Variants in ARHGEF28 observed in about 807,000 individuals in gnomAD.
The protein encoded by ARHGEF28 is Rho guanine nucleotide exchange factor 28, also known as 190 kDa guanine nucleotide exchange factor.
ARHGEF28 carries 152 observed loss-of-function variants against 206.6 expected under a neutral mutation model. The ratio of observed to expected loss-of-function variants is 0.74; its 90% CI spans 0.64 to 0.84. The LOEUF is 0.84. Ranked by LOEUF, ARHGEF28 falls within the 40% of genes least tolerant of loss-of-function variation. The pLI is 0.00. For synonymous variants in ARHGEF28, 763 were observed against 776.4 expected (o/e 0.98, Z 0.29); for missense variants, 2,028 against 2,073.2 (o/e 0.98, Z 0.42).
chr5:73,879,969 G>C (rs1367995781), intron 22 of ARHGEF28, among the ~76,000 whole-genome samples: 1 of 152,246 alleles, frequency 6.6e-6, no homozygotes, highest in Non-Finnish European at 1.5e-5. Context: ...TGTCAGACAA[G>C]GACATTTAAG....
chr5:73,882,488 C>G lies in ARHGEF28; in HGVS notation c.2831C>G (p.Ala944Gly). 1 of 1,446,374 alleles carries G rather than the reference C, an allele frequency of 6.9e-7. No individual in the cohort carries two copies. 89.6% of individuals were successfully genotyped at this position (1,446,374 alleles called of 1,614,324 possible). The part of the protein sequence containing the change: ...ILVQQFSEEN[A>G]SKMKKIYGEF... ...TTCTTCCAGTTTTCAGAAGAAAATGCAAGTAAAATGAAGAAAATATATGGA... is the reference window on the plus strand; with the variant it reads ...TTCTTCCAGTTTTCAGAAGAAAATGGAAGTAAAATGAAGAAAATATATGGA... The change falls in exon 23 of 36, where the codon GCA becomes GGA. Residue 944 changes from alanine to glycine, a missense_variant. Coordinates refer to ENST00000513042, the MANE Select transcript of ARHGEF28 (RefSeq NM_001177693.2).
intron 35 of ARHGEF28, among the ~76,000 whole-genome samples, chr5:73,935,695 GC>G (rs934662476): frequency 6.6e-6 from 1 of 152,132 alleles, no homozygotes; most frequent in Non-Finnish European, 1.5e-5. Flanking sequence ...TAATGATAAA[GC>G]CCCCCGCCTT....
chr5:73,813,873 A>G (rs766850796), intron 9 of ARHGEF28, among the ~76,000 whole-genome samples: 8 of 151,102 alleles, frequency 5.3e-5, no homozygotes, highest in Non-Finnish European at 7.4e-5. Context: ...CTTTGAATCT[A>G]CCTACCTTGG....
intron 5 of ARHGEF28, among the ~76,000 whole-genome samples, chr5:73,776,287 T>C (rs944326916): frequency 6.6e-6 from 1 of 152,232 alleles, no homozygotes; most frequent in African/African-American, 2.4e-5. Flanking sequence ...CTTTAAAGTA[T>C]GTAGTATATG....
At chr5:73,917,380 C>T (rs1763269133) in intron 35 of ARHGEF28, among the ~76,000 whole-genome samples, 1 of 152,180 alleles carries the variant, frequency 6.6e-6, no homozygotes, top group Non-Finnish European at 1.5e-5. Flanking sequence ...AAGTACTGGG[C>T]TCAAGGGCTT....
intron 35 of ARHGEF28, chr5:73,923,063 A>C: frequency 6.5e-7 from 1 of 1,530,646 alleles, no homozygotes; most frequent in South Asian, 1.2e-5. Flanking sequence ...AGCATCTGGT[A>C]ATGCGGCCAT....
At chr5:73,629,946 C>T (rs555760858) in intron 1 of ARHGEF28, among the ~76,000 whole-genome samples, 3 of 152,082 alleles carry the variant, frequency 2.0e-5, no homozygotes, top group Non-Finnish European at 2.9e-5. Flanking sequence ...GAGTGAGGAC[C>T]AACAGGCAGA....
At chr5:73,786,154 G>A (rs1010655881) in intron 7 of ARHGEF28, among the ~76,000 whole-genome samples, 7 of 151,708 alleles carry the variant, frequency 4.6e-5, no homozygotes, top group African/African-American at 1.2e-4. Flanking sequence ...CACCTGCTAC[G>A]TGCCAGGCAT....
At chr5:73,824,136 G>T (rs1318817308) in intron 9 of ARHGEF28, among the ~76,000 whole-genome samples, 1 of 152,068 alleles carries the variant, frequency 6.6e-6, no homozygotes, top group Non-Finnish European at 1.5e-5. Flanking sequence ...TTGCATATCT[G>T]CCTGATCATC....
intron 35 of ARHGEF28, among the ~76,000 whole-genome samples, chr5:73,919,573 A>G (rs2111965218): frequency 6.6e-6 from 1 of 152,326 alleles, no homozygotes; most frequent in Non-Finnish European, 1.5e-5. Flanking sequence ...CAGACCATCC[A>G]ACACTTGTTG....
At chr5:73,823,962 G>A (rs751944720) in intron 9 of ARHGEF28, among the ~76,000 whole-genome samples, 20 of 152,200 alleles carry the variant, frequency 1.3e-4, no homozygotes, top group Non-Finnish European at 2.5e-4. Flanking sequence ...TTCAGAGTAA[G>A]CACCATAGTT....
chr5:73,899,028 A>G (rs1481285655), intron 30 of ARHGEF28: 2 of 151,548 alleles, frequency 1.3e-5, no homozygotes, highest in Non-Finnish European at 2.9e-5. Flanking sequence ...ATATAGATGC[A>G]GTATAGCTTT....
intron 1 of ARHGEF28, among the ~76,000 whole-genome samples, chr5:73,642,700 G>A (rs1259857322): frequency 6.6e-6 from 1 of 151,960 alleles, no homozygotes. Flanking sequence ...CAAGGACAGT[G>A]GGCACACTCC....
chr5:73,895,943 T>C (rs577338201), intron 29 of ARHGEF28, among the ~76,000 whole-genome samples: 2 of 152,298 alleles, frequency 1.3e-5, no homozygotes, highest in South Asian at 4.1e-4. Flanking sequence ...GAGAAGGGCA[T>C]AGAGGTCTGA....
At chr5:73,822,604 T>C (rs1756666415) in intron 9 of ARHGEF28, among the ~76,000 whole-genome samples, 1 of 152,112 alleles carries the variant, frequency 6.6e-6, no homozygotes, top group East Asian at 1.9e-4. Flanking sequence ...AGGAGATGAA[T>C]GCTAGTTTAC....
chr5:73,673,873 T>C (rs918025216), intron 1 of ARHGEF28, among the ~76,000 whole-genome samples: 2 of 152,008 alleles, frequency 1.3e-5, no homozygotes, highest in Non-Finnish European at 2.9e-5. Flanking sequence ...CCTAAAGTCA[T>C]GCAATTAAGA....
At chr5:73,831,169 C>T (rs1028896884) in intron 9 of ARHGEF28, among the ~76,000 whole-genome samples, 2 of 152,018 alleles carry the variant, frequency 1.3e-5, no homozygotes, top group African/African-American at 4.8e-5. Context: ...CACTTTTTAC[C>T]AGGCATGTGT....
At chr5:73,633,815 G>T (rs1743527424) in intron 1 of ARHGEF28, among the ~76,000 whole-genome samples, 1 of 151,884 alleles carries the variant, frequency 6.6e-6, no homozygotes. Flanking sequence ...GATCTCAGGT[G>T]ATCTACCCCC....
Position 73,870,142 on chromosome 5 carries a change from T to G in ARHGEF28, c.2499T>G (p.Leu833=), listed in dbSNP as rs764804614. ...AQEFEAESWS[L]VVDPSFCNRQ... ...AGTTTGAAGCAGAATCTTGGAGTCTTGTGGTGGATCCCTCATTTTGTAATA... is the reference window on the plus strand; with the variant it reads ...AGTTTGAAGCAGAATCTTGGAGTCTGGTGGTGGATCCCTCATTTTGTAATA... Residue 833 remains leucine (L), a synonymous_variant, in exon 21 of 36, where the codon CTT becomes CTG. Transcript: ENST00000513042. The G allele has an allele frequency of 1.9e-6, 3 of 1,613,958 alleles. No individual in the cohort carries two copies. Among genetic ancestry groups the G allele is most frequent in the Non-Finnish European group, 2.5e-6 (3 of 1,179,870 alleles).
Sources: gnomAD v4.1 joint callset for allele counts (sites outside exome capture counted in the v4.1 genomes callset) on GRCh38, gnomAD v4.1.1 for gene constraint, MANE v1.5 for transcripts, NCBI Gene and HGNC (gene_info 2026-07-23, HGNC 2026-07-21) for gene names.